Variants in TTLL5 observed in about 807,000 individuals in gnomAD.
TTLL5 encodes the protein tubulin tyrosine ligase like 5.
TTLL5 carries 132 observed loss-of-function variants against 168.4 expected under a neutral mutation model. The observed-to-expected ratio is 0.78, with a 90% CI of 0.68 to 0.91. TTLL5 has a LOEUF of 0.91. Among genes scored for constraint, TTLL5 ranks in the 40% least tolerant of loss-of-function variants. TTLL5 has a pLI of 0.00. For missense variants in TTLL5, 1,545 were observed against 1,581.5 expected, an observed-to-expected ratio of 0.98 and a Z score of 0.39; for synonymous variants, 546 against 558.6, an observed-to-expected ratio of 0.98 and a Z score of 0.32.
At chr14:75,803,293 G>A (rs1048440994) in intron 27 of TTLL5, 6 of 152,152 alleles carry the variant, frequency 3.9e-5, no homozygotes, top group Non-Finnish European at 5.9e-5. Flanking sequence ...AAAATTTGAT[G>A]ATAAAACATA....
Position 75,764,737 on chromosome 14 carries a change from G to A in TTLL5, c.1673G>A (p.Ser558Asn), listed in dbSNP as rs771095455. 1 of 1,614,154 alleles carries A rather than the reference G, an allele frequency of 6.2e-7. No individual in the cohort carries two copies. The highest frequency in any genetic ancestry group is 2.2e-5 in the East Asian group (1 of 44,886). ...SLEVRKRRRR[S>N]SRLRAMRPKY... ...GAGGTGCGAAAACGTAGACGACGGA[G>A]TAGCAGATTGAGGGCAATGAGGCCA... The change falls in exon 19 of 32, where the codon AGT becomes AAT. Residue 558 changes from serine to asparagine, a missense_variant. By Grantham distance (46) the Ser-to-Asn change is conservative. Transcript: ENST00000298832.
rs1566599125 is a variant in TTLL5, at chr14:75,775,609, CTTTATCA to C, written c.2265_2271del (p.Phe755LeufsTer27). On this transcript the variant is annotated frameshift_variant, in exon 22 of 32. Transcript: ENST00000298832. LOFTEE classifies it high-confidence loss of function. ...GAATCCTGGCCCACCAGCTGGGTGA[CTTTATCA>C]TTGTATACAACAAGGTAAGTCTTTT... 1 of 1,614,062 alleles carries C rather than the reference CTTTATCA, an allele frequency of 6.2e-7. No homozygotes were observed. Among genetic ancestry groups the C allele is most frequent in the East Asian group, 2.2e-5 (1 of 44,878 alleles).
At chr14:75,937,874 G>A (rs2034482005) in intron 31 of TTLL5, among the ~76,000 whole-genome samples, 1 of 152,158 alleles carries the variant, frequency 6.6e-6, no homozygotes, top group Admixed American at 6.5e-5. Context: ...TACATACACA[G>A]AAGTGGAATT....
At position 75,678,396 on chromosome 14, in the gene TTLL5, A is replaced by T. The variant is rs77125735; in HGVS notation, c.182-3149A>T. On this transcript the variant is annotated intron_variant, in intron 3 of 31. Transcript: ENST00000298832. The stretch of plus-strand genomic sequence containing the variant: ...TAAGGGCATATTCTATATAAGCACA[A>T]TAATGTGTCACTGGCAAAATACTGT... Among the ~76,000 whole-genome samples, 618 of 152,354 alleles carry T rather than the reference A, an allele frequency of 4.1e-3. 4 individuals carry two copies. The highest frequency in any genetic ancestry group is 0.011 in the East Asian group (56 of 5,190).
In TTLL5 at chr14:75,828,306, C is replaced by T. The variant is rs1381204513; in HGVS notation, c.3326+8145C>T. ...GCCACCCCTGAGACAGCAAGACAAA[C>T]CCCTTCTCTTCCTCCTCCTCCTCGG... On this transcript the variant is annotated intron_variant, in intron 28 of 31. Coordinates refer to ENST00000298832, the MANE Select transcript of TTLL5 (RefSeq NM_015072.5). Among the ~76,000 whole-genome samples, 3 of 152,096 alleles carry T rather than the reference C, an allele frequency of 2.0e-5. No homozygotes were observed. In the East Asian group the frequency reaches 5.8e-4, roughly 29 times the overall value.
chr14:75,890,928 C>T (rs2032372418), intron 30 of TTLL5, among the ~76,000 whole-genome samples: 1 of 152,136 alleles, frequency 6.6e-6, no homozygotes, highest in South Asian at 2.1e-4. Flanking sequence ...ACCGTGTTGC[C>T]CAGGGTGGTC....
intron 31 of TTLL5, among the ~76,000 whole-genome samples, chr14:75,924,270 T>G (rs2140145370): frequency 6.6e-6 from 1 of 151,904 alleles, no homozygotes; most frequent in East Asian, 1.9e-4. Context: ...CATTATGATG[T>G]TAGCTGGTTA....
chr14:75,661,854 C>G (rs1414331849), intron 1 of TTLL5, among the ~76,000 whole-genome samples: 2 of 151,772 alleles, frequency 1.3e-5, no homozygotes, highest in East Asian at 1.9e-4. Flanking sequence ...GATCTTTGAT[C>G]ATTATCGGGG....
intron 9 of TTLL5, among the ~76,000 whole-genome samples, chr14:75,715,391 A>G (rs1190701987): frequency 6.6e-6 from 1 of 152,022 alleles, no homozygotes; most frequent in Non-Finnish European, 1.5e-5. Context: ...AAAAGAAAAA[A>G]CAAAGCTTTT....
intron 13 of TTLL5, 26 bp from the exon 14 acceptor site, chr14:75,733,963 G>A (rs753917486): frequency 1.2e-6 from 2 of 1,609,454 alleles, no homozygotes; most frequent in Non-Finnish European, 1.7e-6. Context: ...CTTATCAATT[G>A]CTCTTTTCTT....
rs1406748679 is a variant in TTLL5, at chr14:75,734,059, T to C, written c.1186+9T>C. ...TATGTTCACTGTTGTAGGTGAGTAG[T>C]AGTATTTTCTGAACTGGACTCACAT... On this transcript the variant is annotated intron_variant, in intron 14 of 31. Coordinates refer to ENST00000298832, the MANE Select transcript of TTLL5 (RefSeq NM_015072.5). 89 of 1,613,266 alleles carry C rather than the reference T, an allele frequency of 5.5e-5. No homozygotes were observed. The Admixed American group carries it at 1.0e-3, about 19-fold the overall frequency.
At chr14:75,935,841 A>G (rs907915856) in intron 31 of TTLL5, among the ~76,000 whole-genome samples, 1 of 152,162 alleles carries the variant, frequency 6.6e-6, no homozygotes, top group Non-Finnish European at 1.5e-5. Flanking sequence ...TGAGATGGAG[A>G]CCCAAGAGTC....
In TTLL5 at chr14:75,683,599, T is replaced by C. The variant is rs1425451825; in HGVS notation, c.314T>C (p.Leu105Pro). 10 of 1,613,910 alleles carry C rather than the reference T, an allele frequency of 6.2e-6. No homozygotes were observed. Among genetic ancestry groups the C allele is most frequent in the Non-Finnish European group, 8.5e-6 (10 of 1,179,932 alleles). The change falls in exon 5 of 32, where the codon CTG becomes CCG. Residue 105 changes from leucine (L) to proline (P), a missense_variant. Transcript: ENST00000298832. ...DYNLMWTGSH[L>P]KPFLLRTLSE... ...AACCTAATGTGGACAGGATCCCACC[T>C]GAAGCCCTTCTTACTGCGCACCCTC...
intron 14 of TTLL5, 30 bp downstream of exon 14, chr14:75,734,080 C>T: frequency 6.2e-7 from 1 of 1,608,754 alleles, no homozygotes; most frequent in African/African-American, 1.3e-5. Flanking sequence ...GAACTGGACT[C>T]ACATAAAAAT....
chr14:75,907,576 C>G (rs1398843208), intron 31 of TTLL5, among the ~76,000 whole-genome samples: 1 of 152,130 alleles, frequency 6.6e-6, no homozygotes, highest in Non-Finnish European at 1.5e-5. Context: ...ATTTACCCAC[C>G]ACAGGATTCA....
intron 2 of TTLL5, among the ~76,000 whole-genome samples, chr14:75,663,438 A>G (rs1194568457): frequency 1.3e-5 from 2 of 152,208 alleles, no homozygotes; most frequent in Non-Finnish European, 2.9e-5. Flanking sequence ...GAAATGAGAT[A>G]AGGCTCTCTT....
intron 20 of TTLL5, among the ~76,000 whole-genome samples, chr14:75,769,202 G>A (rs1891134026): frequency 6.6e-6 from 1 of 152,150 alleles, no homozygotes; most frequent in Non-Finnish European, 1.5e-5. Flanking sequence ...TGCAGGCTGC[G>A]TTAGTGTCAA....
At chr14:75,713,042 C>G (rs1274538188) in intron 9 of TTLL5, among the ~76,000 whole-genome samples, 1 of 152,120 alleles carries the variant, frequency 6.6e-6, no homozygotes, top group African/African-American at 2.4e-5. Context: ...AAAGGTCTGT[C>G]GTGAGAACTT....
At chr14:75,940,763 C>T (rs1009414005) in intron 31 of TTLL5, among the ~76,000 whole-genome samples, 13 of 152,092 alleles carry the variant, frequency 8.5e-5, no homozygotes, top group Admixed American at 6.5e-5. Context: ...CTCTCTATTC[C>T]GTGATAAAAT....
Sources: gnomAD v4.1 joint callset for allele counts (sites outside exome capture counted in the v4.1 genomes callset) on GRCh38, gnomAD v4.1.1 for gene constraint, MANE v1.5 for transcripts, NCBI Gene and HGNC (gene_info 2026-07-23, HGNC 2026-07-21) for gene names.